The following ESR1 variants were observed in gnomAD, a reference collection of about 807,000 sequenced individuals.
The protein encoded by ESR1 is estrogen receptor.
In ESR1, 12 loss-of-function variants were observed where a neutral mutation model predicts 52.7. The ratio of observed to expected loss-of-function variants is 0.23; its 90% confidence interval spans 0.15 to 0.37. ESR1 has a LOEUF of 0.37. Among genes scored for constraint, ESR1 ranks in the 10% least tolerant of loss-of-function variants. ESR1 has a pLI of 1.00. For synonymous variants in ESR1, 305 were observed against 316.8 expected (o/e 0.96, Z 0.39); for missense variants, 584 against 779.7 (o/e 0.75, Z 2.99).
chr6:151,944,544 G>T (rs2035479217), intron 4 of ESR1, 36 bp downstream of exon 4: 4 of 1,580,152 alleles, frequency 2.5e-6, no homozygotes, highest in East Asian at 2.2e-5. Context: ...AGAGTCAATA[G>T]CTTTTCAAGA....
rs1020266059 is a variant in ESR1, at chr6:151,808,392, G to T, written c.452+28G>T. 2.9e-6 allele frequency: 4 copies of T among 1,387,406 alleles called. No homozygotes were observed. The African/African-American group carries it at 5.0e-5, about 17-fold the overall frequency. The allele number at this position is 1,387,406 out of a possible 1,614,324, so 85.9% of individuals were successfully genotyped here. ...ACCCGCGCCCGCGCCGCCCGTCGGG[G>T]TGGCCGCCGCGCCCGGCAGGAGGGA... On this transcript the variant is annotated intron_variant, in intron 1 of 7. Transcript: ENST00000206249.
At chr6:152,123,708 A>C (rs1232948619) in intron 6 of ESR1, among the ~76,000 whole-genome samples, 1 of 152,244 alleles carries the variant, frequency 6.6e-6, no homozygotes, top group Non-Finnish European at 1.5e-5. Flanking sequence ...AAAATAAAAG[A>C]TGTAGCCAAA....
rs141413874 is a variant in ESR1, at chr6:152,096,415, C to T, written c.1553+1847C>T. Among the ~76,000 whole-genome samples the T allele has an allele frequency of 8.5e-4, 129 of 152,282 alleles. No individual in the cohort carries two copies. The East Asian group carries it at 0.016, about 19-fold the overall frequency. On this transcript the variant is annotated intron_variant, in intron 7 of 7. Coordinates refer to ENST00000206249, the MANE Select transcript of ESR1 (RefSeq NM_000125.4). ...TTAAACTCCCAGGCACCACCCTTTC[C>T]GGAGACAACCTTTAAAAATTATTAG...
chr6:152,020,898 A>G (rs1419274697), intron 5 of ESR1, among the ~76,000 whole-genome samples: 2 of 152,154 alleles, frequency 1.3e-5, no homozygotes, highest in African/African-American at 4.8e-5. Context: ...TTAAGTTCTA[A>G]TCTCTACCCT....
At chr6:151,853,882 C>T (rs112041127) in intron 2 of ESR1, among the ~76,000 whole-genome samples, 1 of 152,104 alleles carries the variant, frequency 6.6e-6, no homozygotes, top group African/African-American at 2.4e-5. Flanking sequence ...TCAACAATTC[C>T]ATTAGAAAGC....
chr6:151,886,306 T>C (rs997416764), intron 3 of ESR1, among the ~76,000 whole-genome samples: 3 of 152,202 alleles, frequency 2.0e-5, no homozygotes, highest in African/African-American at 4.8e-5. Context: ...GTTTTCATTG[T>C]GCAGTGAGGA....
intron 2 of ESR1, among the ~76,000 whole-genome samples, chr6:151,730,342 C>T (rs1287862510): frequency 2.6e-5 from 4 of 152,076 alleles, no homozygotes; most frequent in Non-Finnish European, 4.4e-5. Context: ...AACTCCCTGC[C>T]TCCACCTGTT....
At chr6:151,815,955 CT>C (rs1779566622) in intron 1 of ESR1, among the ~76,000 whole-genome samples, 1 of 152,074 alleles carries the variant, frequency 6.6e-6, no homozygotes, top group African/African-American at 2.4e-5. Flanking sequence ...AAGCATGGTC[CT>C]GAAGTACTGT....
chr6:151,763,925 G>A (rs1784844739), intron 2 of ESR1, among the ~76,000 whole-genome samples: 1 of 152,160 alleles, frequency 6.6e-6, no homozygotes, highest in African/African-American at 2.4e-5. Flanking sequence ...GGGGAGTGAT[G>A]CCTGGAGGAT....
chr6:151,737,734 A>G (rs1037173903), intron 2 of ESR1, among the ~76,000 whole-genome samples: 1 of 152,160 alleles, frequency 6.6e-6, no homozygotes, highest in Non-Finnish European at 1.5e-5. Context: ...AGAAGGGTAT[A>G]AGGGTACACA....
Position 151,958,731 on chromosome 6 carries a change from A to G in ESR1, c.1096+14223A>G, listed in dbSNP as rs2037290026. ...AAGAACAGTTCTTATATTGAAGGGA[A>G]ATTATCTGTACGTGAGAGAACAACG... On this transcript the variant is annotated intron_variant, in intron 4 of 7. Coordinates refer to ENST00000206249, the MANE Select transcript of ESR1 (RefSeq NM_000125.4). Among the ~76,000 whole-genome samples, 4 of 152,278 alleles carry G rather than the reference A, an allele frequency of 2.6e-5. No homozygotes were observed. The Middle Eastern group carries it at 0.01, about 388-fold the overall frequency.
At chr6:151,973,585 G>T (rs1177254163) in intron 4 of ESR1, among the ~76,000 whole-genome samples, 2 of 152,164 alleles carry the variant, frequency 1.3e-5, no homozygotes, top group Non-Finnish European at 2.9e-5. Flanking sequence ...TATGCTCCCA[G>T]TACCAGCCTC....
intron 2 of ESR1, among the ~76,000 whole-genome samples, chr6:151,843,479 G>A (rs1284407764): frequency 2.6e-5 from 4 of 152,098 alleles, no homozygotes; most frequent in Non-Finnish European, 5.9e-5. Context: ...TTCTACTCCA[G>A]AAATGTCTCT....
At chr6:151,846,199 A>G (rs933438614) in intron 2 of ESR1, among the ~76,000 whole-genome samples, 8 of 152,312 alleles carry the variant, frequency 5.3e-5, no homozygotes, top group Non-Finnish European at 8.8e-5. Context: ...AGCGCGGGGA[A>G]TTCTATGCGT....
chr6:151,916,907 T>C (rs1318058612), intron 3 of ESR1, among the ~76,000 whole-genome samples: 3 of 152,228 alleles, frequency 2.0e-5, no homozygotes, highest in Non-Finnish European at 2.9e-5. Context: ...TGAATATCCC[T>C]TTTTAAGTCT....
At chr6:151,675,253 G>A (rs767400043) in intron 1 of ESR1, among the ~76,000 whole-genome samples, 1 of 152,188 alleles carries the variant, frequency 6.6e-6, no homozygotes, top group Non-Finnish European at 1.5e-5. Context: ...TATTCACTAA[G>A]TACTCACTGA....
At chr6:151,915,139 G>A (rs1214691126) in intron 3 of ESR1, among the ~76,000 whole-genome samples, 1 of 151,622 alleles carries the variant, frequency 6.6e-6, no homozygotes, top group Non-Finnish European at 1.5e-5. Flanking sequence ...AGGTTGCAGT[G>A]AGCCGAGATC....
At chr6:151,880,130 T>G (rs114287504) in intron 2 of ESR1, among the ~76,000 whole-genome samples, 2,129 of 151,586 alleles carry the variant, frequency 0.014, 52 homozygotes, top group African/African-American at 0.048. Context: ...AAAGGACTCC[T>G]GAAGCAATTG....
intron 5 of ESR1, among the ~76,000 whole-genome samples, chr6:152,013,830 G>C (rs549430941): frequency 6.6e-6 from 1 of 152,138 alleles, no homozygotes; most frequent in African/African-American, 2.4e-5. Context: ...CTCTAGACCA[G>C]GATTTGTCAG....
Sources: allele counts gnomAD v4.1 joint callset (sites outside exome capture counted in the v4.1 genomes callset), GRCh38; gene constraint gnomAD v4.1.1; transcripts MANE v1.5; gene names NCBI Gene and HGNC (gene_info 2026-07-23, HGNC 2026-07-21).